MBD3: variants seen among roughly 807,000 people sequenced by gnomAD.
MBD3 encodes the protein methyl-CpG-binding domain protein 3.
MBD3 carries 13 observed loss-of-function variants against 31.2 expected under a neutral mutation model. That is an observed-to-expected ratio of 0.42 (90% confidence interval 0.27 to 0.66). MBD3 has a LOEUF of 0.66. MBD3 is among the 30% of genes least tolerant of loss of function. MBD3 has a pLI of 0.26. For missense variants in MBD3, 440 were observed against 426.5 expected, an observed-to-expected ratio of 1.03 and a Z score of -0.28; for synonymous variants, 223 against 187.4, an observed-to-expected ratio of 1.19 and a Z score of -1.55.
intron 5 of MBD3, among the ~76,000 whole-genome samples, chr19:1,579,773 T>A (rs1917306721): frequency 2.6e-5 from 4 of 152,186 alleles, no homozygotes; most frequent in Admixed American, 2.6e-4. Context: ...CTTTTCTATT[T>A]CTATAAGTTC....
chr19:1,582,356 A>C (rs1568275059), intron 4 of MBD3, among the ~76,000 whole-genome samples: 2 of 152,078 alleles, frequency 1.3e-5, no homozygotes, highest in Non-Finnish European at 2.9e-5. Flanking sequence ...TGCAGGTGAA[A>C]ACAGCCCCAG....
Position 1,578,714 on chromosome 19 carries a change from G to A in MBD3, c.678-176C>T, listed in dbSNP as rs1417370040. Among the ~76,000 whole-genome samples the A allele has an allele frequency of 3.9e-5, 6 of 152,098 alleles. No individual in the cohort carries two copies. The highest frequency in any genetic ancestry group is 8.8e-5 in the Non-Finnish European group (6 of 68,004). On this transcript the variant is annotated intron_variant, in intron 5 of 6. Transcript: ENST00000434436. The surrounding 1 kb of genome is among the most constrained non-coding windows in gnomAD (Gnocchi z 6.1). The stretch of plus-strand genomic sequence containing the variant: ...TTCACAATCCACGCAGAGAATGACC[G>A]GCTGCCGCTGGCCATCGCCAGCGTC...
chr19:1,581,097 G>A lies in MBD3; in HGVS notation c.672C>T (p.Asp224=). ...LCKAFMVTDE[D]IRKQEELVQQ... ...GGACCAGGCCAAGGGGCTACCTGAT[G>A]TCCTCGTCGGTCACCATGAAGGCTT... The change falls in exon 5 of 7, where the codon GAC becomes GAT. Residue 224 remains aspartate, a synonymous_variant. Transcript: ENST00000434436. The A allele has an allele frequency of 1.2e-6, 2 of 1,614,158 alleles. No individual in the cohort carries two copies. The highest frequency in any genetic ancestry group is 1.7e-6 in the Non-Finnish European group (2 of 1,180,032).
At chr19:1,584,949 T>C (rs2145602531) in intron 2 of MBD3, 106 bp downstream of exon 2, 3 of 1,481,570 alleles carry the variant, frequency 2.0e-6, no homozygotes, top group Admixed American at 3.7e-5. Context: ...CGCTGTGACC[T>C]CCTGCGCTCA....
intron 3 of MBD3, 64 bp from the exon 4 acceptor site, chr19:1,582,776 C>T: frequency 2.1e-5 from 31 of 1,492,008 alleles, no homozygotes; most frequent in Non-Finnish European, 2.8e-5. Context: ...CAGGTCCTTG[C>T]TGGGCTCCAG....
At chr19:1,580,956 G>T in intron 5 of MBD3, 136 bp downstream of exon 5, 2 of 1,152,572 alleles carry the variant, frequency 1.7e-6, no homozygotes, top group Non-Finnish European at 2.5e-6. Context: ...GGGTCCCCTT[G>T]CCCTGGCTGT....
In MBD3 at chr19:1,576,306, C is replaced by T. The variant is rs117937248; in HGVS notation, c.*1858G>A. ...CGGGGCACAGCTCCCCTCCCTGCAG[C>T]GGCTGTGCAGGACCTGAGGACCTGG... On this transcript the variant is annotated 3_prime_UTR_variant, in exon 7 of 7. Coordinates refer to ENST00000434436, the MANE Select transcript of MBD3 (RefSeq NM_001281453.2). 0.019 allele frequency: 2,845 copies of T among 152,332 alleles called. 45 individuals are homozygous for T. The highest frequency in any genetic ancestry group is 0.03 in the Non-Finnish European group (2,013 of 68,060). 9.4% of individuals were successfully genotyped at this position (152,332 alleles called of 1,614,324 possible). A position where few individuals can be genotyped will look rare whatever the true frequency, so the allele number is the denominator to read the frequency against.
At chr19:1,579,253 C>G (rs1165068319) in intron 5 of MBD3, among the ~76,000 whole-genome samples, 1 of 151,748 alleles carries the variant, frequency 6.6e-6, no homozygotes, top group Non-Finnish European at 1.5e-5. Context: ...GCAGCAGCCC[C>G]CACCCTCGCA....
intron 1 of MBD3, chr19:1,592,249 A>T (rs950677784): frequency 1.9e-4 from 29 of 154,530 alleles, no homozygotes; most frequent in Middle Eastern, 3.4e-3. Flanking sequence ...GGCCGCCGCC[A>T]GGCGCCCCTG....
At position 1,578,315 on chromosome 19, in the gene MBD3, C is replaced by T. The variant is rs755759081; in HGVS notation, c.*5+20G>A. The T allele has an allele frequency of 1.2e-6, 2 of 1,600,426 alleles. No homozygotes were observed. The highest frequency in any genetic ancestry group is 2.2e-5 in the South Asian group (2 of 90,990). Reference sequence around the variant, plus strand: ...ACTGCCAGGACCCGACTCCAGGGAGCCCCCGTGGCCCCGCAGCACCTGCCC... The same window carrying T: ...ACTGCCAGGACCCGACTCCAGGGAGTCCCCGTGGCCCCGCAGCACCTGCCC... On this transcript the variant is annotated intron_variant, in intron 6 of 6. Transcript: ENST00000434436. The surrounding 1 kb of genome is among the most constrained non-coding windows in gnomAD (Gnocchi z 6.1).
chr19:1,591,984 C>T (rs2060705929), intron 1 of MBD3: 1 of 152,326 alleles, frequency 6.6e-6, no homozygotes, highest in East Asian at 1.9e-4. Context: ...AAGGGGAATA[C>T]CTTTAAAAAA....
At chr19:1,580,817 C>G (rs1917334729) in intron 5 of MBD3, among the ~76,000 whole-genome samples, 1 of 152,216 alleles carries the variant, frequency 6.6e-6, no homozygotes, top group African/African-American at 2.4e-5. Flanking sequence ...ACATGGAGCC[C>G]AGCACCCAGC....
intron 4 of MBD3, chr19:1,581,508 C>G: frequency 1.7e-6 from 1 of 580,330 alleles, no homozygotes; most frequent in Non-Finnish European, 3.1e-6. Flanking sequence ...CTTGGGAGGG[C>G]GAGGTGGGAG....
chr19:1,589,349 A>C (rs2060693673), intron 1 of MBD3, among the ~76,000 whole-genome samples: 1 of 148,124 alleles, frequency 6.8e-6, no homozygotes, highest in Non-Finnish European at 1.5e-5. Context: ...GGTCTCAAAA[A>C]AAAAAAAAAA....
chr19:1,577,927 G>T lies in MBD3; in HGVS notation c.*237C>A. The T allele has an allele frequency of 3.9e-6, 1 of 257,424 alleles. No individual in the cohort carries two copies. Among genetic ancestry groups the T allele is most frequent in the South Asian group, 5.0e-5 (1 of 20,142 alleles). 15.9% of individuals were successfully genotyped at this position (257,424 alleles called of 1,614,324 possible). ...GGCCCAGGAGCACCCGGCACTTCCC[G>T]AAGCCGGACTCTGTAGAGGACGAGC... On this transcript the variant is annotated 3_prime_UTR_variant, in exon 7 of 7. Transcript: ENST00000434436.
chr19:1,578,502 C>T lies in MBD3; in HGVS notation c.714G>A (p.Arg238=), dbSNP rs571544119. The part of the protein sequence containing the change: ...QEELVQQVRK[R]LEEALMADML... The stretch of plus-strand genomic sequence containing the variant: ...TGTCGGCCATCAGCGCCTCCTCCAG[C>T]CGCTTCCGCACCTGCTGCACCAGCT... Residue 238 remains arginine, a synonymous_variant, in exon 6 of 7, where the codon CGG becomes CGA. Coordinates refer to ENST00000434436, the MANE Select transcript of MBD3 (RefSeq NM_001281453.2). This position sits in a 1 kb window ranked among gnomAD's most constrained non-coding sequence, Gnocchi z 6.1. The T allele has an allele frequency of 3.7e-6, 6 of 1,612,188 alleles. No individual in the cohort carries two copies. Among genetic ancestry groups the T allele is most frequent in the Admixed American group, 1.7e-5 (1 of 60,028 alleles).
chr19:1,590,154 C>T (rs1039268498), intron 1 of MBD3, among the ~76,000 whole-genome samples: 1 of 150,838 alleles, frequency 6.6e-6, no homozygotes, highest in Non-Finnish European at 1.5e-5. Flanking sequence ...AAAAATTAGC[C>T]GGGCATGGTG....
intron 1 of MBD3, among the ~76,000 whole-genome samples, chr19:1,589,291 A>G (rs1431251665): frequency 3.5e-5 from 5 of 144,128 alleles, no homozygotes; most frequent in Non-Finnish European, 6.0e-5. Flanking sequence ...AGATTGCAGC[A>G]TTGCACTGCA....
rs1318539259 is a variant in MBD3, at chr19:1,575,309, G to A, written c.*2855C>T. 3 of 442,832 alleles carry A rather than the reference G, an allele frequency of 6.8e-6. No individual in the cohort carries two copies. Among genetic ancestry groups the A allele is most frequent in the Non-Finnish European group, 1.4e-5 (3 of 216,788 alleles). The allele number at this position is 442,832 out of a possible 1,614,324, so 27.4% of individuals were successfully genotyped here. A position where few individuals can be genotyped will look rare whatever the true frequency, so the allele number is the denominator to read the frequency against. ...GCTGGGCGTGGTGGCTACTCGGGAG[G>A]CTGAGGCTTGAACCCAGAAGGTGGA... On this transcript the variant is annotated 3_prime_UTR_variant, in exon 7 of 7. Coordinates refer to ENST00000434436, the MANE Select transcript of MBD3 (RefSeq NM_001281453.2).
Sources: allele counts gnomAD v4.1 joint callset (sites outside exome capture counted in the v4.1 genomes callset), GRCh38; gene constraint gnomAD v4.1.1; non-coding constraint Gnocchi (gnomAD v3.1); transcripts MANE v1.5; gene names NCBI Gene and HGNC (gene_info 2026-07-23, HGNC 2026-07-21).